UBXN7: variants seen among roughly 807,000 people sequenced by gnomAD.
The protein encoded by UBXN7 is UBX domain-containing protein 7.
UBXN7 carries 9 observed loss-of-function variants against 58.0 expected under a neutral mutation model. The observed-to-expected ratio is 0.16, with a 90% confidence interval of 0.09 to 0.27. The LOEUF is 0.27. Ranked by LOEUF, UBXN7 falls within the 10% of genes least tolerant of loss-of-function variation. UBXN7 has a pLI of 1.00. For synonymous variants in UBXN7, 208 were observed against 205.0 expected (o/e 1.01, Z -0.12); for missense variants, 328 against 599.6 (o/e 0.55, Z 4.73).
Position 196,356,540 on chromosome 3 carries a change from A to C in UBXN7, c.*145T>G, listed in dbSNP as rs1728354389. The C allele has an allele frequency of 7.3e-6, 6 of 818,222 alleles. No homozygotes were observed. The highest frequency in any genetic ancestry group is 1.1e-5 in the Non-Finnish European group (6 of 531,382). 50.7% of individuals were successfully genotyped at this position (818,222 alleles called of 1,614,324 possible). A position where few individuals can be genotyped will look rare whatever the true frequency, so the allele number is the denominator to read the frequency against. ...GGGGGAGAAAGAGACTGATTATAGG[A>C]GAGATCAAGAAATAAGAGAAGGAAG... On this transcript the variant is annotated 3_prime_UTR_variant, in exon 11 of 11. Transcript: ENST00000296328.
rs1728175228 is a variant in UBXN7 at position 196,349,993 on chromosome 3, A to C, written c.*6692T>G. ...GATCTCTAGAGAGGAAATACAATTA[A>C]ACAATAAAAACTTGCTGTTTGTTGC... On this transcript the variant is annotated 3_prime_UTR_variant, in exon 11 of 11. Transcript: ENST00000296328. The C allele has an allele frequency of 6.6e-6, 1 of 152,240 alleles. No homozygotes were observed. Among genetic ancestry groups the C allele is most frequent in the African/African-American group, 2.4e-5 (1 of 41,458 alleles). The allele number at this position is 152,240 out of a possible 1,614,324, so 9.4% of individuals were successfully genotyped here.
At chr3:196,429,234 C>T (rs979785586) in intron 1 of UBXN7, among the ~76,000 whole-genome samples, 44 of 151,292 alleles carry the variant, frequency 2.9e-4, no homozygotes, top group Admixed American at 2.9e-3. Context: ...GGCTGAGGCA[C>T]GAGAATGGTG....
At chr3:196,427,488 T>C (rs1397224907) in intron 1 of UBXN7, among the ~76,000 whole-genome samples, 1 of 152,142 alleles carries the variant, frequency 6.6e-6, no homozygotes, top group African/African-American at 2.4e-5. Context: ...CAGCTAATTT[T>C]TGTATTTTTC....
At chr3:196,425,851 T>C (rs1483421250) in intron 1 of UBXN7, among the ~76,000 whole-genome samples, 1 of 152,154 alleles carries the variant, frequency 6.6e-6, no homozygotes, top group Non-Finnish European at 1.5e-5. Context: ...CTGGGAAGGT[T>C]TTCTTGACCT....
rs573058770 is a variant in UBXN7, at chr3:196,375,900, A to G, written c.469-3858T>C. Among the ~76,000 whole-genome samples, 3 of 152,302 alleles carry G rather than the reference A, an allele frequency of 2.0e-5. No individual in the cohort carries two copies. In the South Asian group the frequency reaches 6.2e-4, roughly 32 times the overall value. On this transcript the variant is annotated intron_variant, in intron 5 of 10. Coordinates refer to ENST00000296328, the MANE Select transcript of UBXN7 (RefSeq NM_015562.2). ...TAAAATTAGACGAGCGTGGTGGCGC[A>G]TGCCTGTAATCCCATCTACTTGGGT...
At chr3:196,392,901 T>C (rs548688079) in intron 4 of UBXN7, among the ~76,000 whole-genome samples, 6 of 152,314 alleles carry the variant, frequency 3.9e-5, no homozygotes, top group African/African-American at 1.4e-4. Context: ...CCTAGATGAC[T>C]TGAGTCAGTT....
intron 3 of UBXN7, among the ~76,000 whole-genome samples, chr3:196,398,466 T>C (rs758213346): frequency 6.6e-6 from 1 of 152,188 alleles, no homozygotes; most frequent in Non-Finnish European, 1.5e-5. Flanking sequence ...TACTGAGTAA[T>C]GCAAACATTT....
At chr3:196,390,292 T>C (rs1729542579) in intron 5 of UBXN7, among the ~76,000 whole-genome samples, 2 of 151,916 alleles carry the variant, frequency 1.3e-5, no homozygotes, top group African/African-American at 4.8e-5. Flanking sequence ...GTGGTTTTCA[T>C]AGGCATGATC....
At position 196,398,252 on chromosome 3, in the gene UBXN7, AG is replaced by A. The variant is rs1371940508; in HGVS notation, c.290-4634del. On this transcript the variant is annotated intron_variant, in intron 3 of 10. Transcript: ENST00000296328. ...GACATGTTGACCACACCTTTGTAGG[AG>A]ACCCTAACCAAAGGCCACACCCAGA... Among the ~76,000 whole-genome samples, 410 of 152,338 alleles carry A rather than the reference AG, an allele frequency of 2.7e-3. 2 individuals are homozygous for A. Among genetic ancestry groups the A allele is most frequent in the Non-Finnish European group, 4.4e-3 (297 of 68,032 alleles).
chr3:196,381,624 G>A (rs1729209214), intron 5 of UBXN7, among the ~76,000 whole-genome samples: 1 of 152,216 alleles, frequency 6.6e-6, no homozygotes, highest in African/African-American at 2.4e-5. Flanking sequence ...GAACAACGCT[G>A]GATGGAGAAT....
At chr3:196,375,409 G>C (rs1455200920) in intron 5 of UBXN7, among the ~76,000 whole-genome samples, 1 of 152,032 alleles carries the variant, frequency 6.6e-6, no homozygotes, top group Non-Finnish European at 1.5e-5. Context: ...TTAAGGCAAG[G>C]AGTTCGAGAC....
chr3:196,386,664 A>C (rs1243940578), intron 5 of UBXN7, among the ~76,000 whole-genome samples: 1 of 152,232 alleles, frequency 6.6e-6, no homozygotes, highest in Non-Finnish European at 1.5e-5. Flanking sequence ...AGGGATGTGA[A>C]GGACCTCTTT....
intron 8 of UBXN7, among the ~76,000 whole-genome samples, chr3:196,366,246 G>A (rs1728661775): frequency 6.6e-6 from 1 of 152,158 alleles, no homozygotes; most frequent in Non-Finnish European, 1.5e-5. Flanking sequence ...GCATGGTATG[G>A]TGGTTCATGC....
At chr3:196,417,214 G>A (rs963378658) in intron 1 of UBXN7, among the ~76,000 whole-genome samples, 1 of 152,162 alleles carries the variant, frequency 6.6e-6, no homozygotes, top group Non-Finnish European at 1.5e-5. Context: ...TGGGGAGGCT[G>A]AGGCAGGAGA....
At chr3:196,408,290 T>C (rs1215202920) in intron 1 of UBXN7, among the ~76,000 whole-genome samples, 1 of 152,114 alleles carries the variant, frequency 6.6e-6, no homozygotes, top group Non-Finnish European at 1.5e-5. Flanking sequence ...CTAAATGAAA[T>C]GTAAATTGGT....
At chr3:196,426,994 T>C (rs1236962795) in intron 1 of UBXN7, among the ~76,000 whole-genome samples, 1 of 152,212 alleles carries the variant, frequency 6.6e-6, no homozygotes, top group Non-Finnish European at 1.5e-5. Context: ...TATAATTTTC[T>C]CAAGTATGTT....
chr3:196,413,380 A>G (rs1412129525), intron 1 of UBXN7, among the ~76,000 whole-genome samples: 1 of 152,220 alleles, frequency 6.6e-6, no homozygotes, highest in African/African-American at 2.4e-5. Context: ...TATACGTGTT[A>G]ATACAATTTA....
chr3:196,385,261 C>T (rs1378778615), intron 5 of UBXN7, among the ~76,000 whole-genome samples: 1 of 152,208 alleles, frequency 6.6e-6, no homozygotes, highest in Non-Finnish European at 1.5e-5. Flanking sequence ...GCCTCGGCCT[C>T]CCGAGGTGCC....
intron 1 of UBXN7, among the ~76,000 whole-genome samples, chr3:196,408,097 CAAAAAAAAAAAA>C (rs71621241): frequency 6.0e-4 from 27 of 45,252 alleles, no homozygotes; most frequent in Non-Finnish European, 9.5e-4. Context: ...GACTCTGTCT[CAAAAAAAAAAAA>C]AAAAAAAAAA....
Sources: gnomAD v4.1 joint callset for allele counts (sites outside exome capture counted in the v4.1 genomes callset) on GRCh38, gnomAD v4.1.1 for gene constraint, MANE v1.5 for transcripts, NCBI Gene and HGNC (gene_info 2026-07-23, HGNC 2026-07-21) for gene names.